The following DPYD variants were observed in gnomAD, a reference collection of about 807,000 sequenced individuals.
DPYD encodes dihydropyrimidine dehydrogenase [NADP(+)].
In DPYD, 109 loss-of-function variants were observed where a neutral mutation model predicts 116.2. The ratio of observed to expected loss-of-function variants is 0.94; its 90% CI spans 0.80 to 1.10. The LOEUF is 1.10. Ranked by LOEUF, DPYD falls within the 50% of genes least tolerant of loss-of-function variation. The pLI, the probability that DPYD is intolerant of heterozygous loss-of-function variation, is 0.00. For synonymous variants in DPYD, 440 were observed against 432.0 expected (o/e 1.02, Z -0.23); for missense variants, 1,302 against 1,254.5 (o/e 1.04, Z -0.57).
intron 3 of DPYD, among the ~76,000 whole-genome samples, chr1:97,752,205 G>A (rs932186350): frequency 1.3e-5 from 2 of 151,832 alleles, no homozygotes; most frequent in African/African-American, 2.4e-5. Flanking sequence ...TTTCATGTGT[G>A]ACATCCATAC....
chr1:97,152,524 C>A lies in DPYD; in HGVS notation c.2622+40545G>T, dbSNP rs556054758. Reference sequence around the variant, plus strand: ...AAATACATGCAGATATAGTTAATATCTATAAATATATCTATTAAATTATAA... The same window carrying A: ...AAATACATGCAGATATAGTTAATATATATAAATATATCTATTAAATTATAA... On this transcript the variant is annotated intron_variant, in intron 20 of 22. Coordinates refer to ENST00000370192, the MANE Select transcript of DPYD (RefSeq NM_000110.4). Among the ~76,000 whole-genome samples the A allele has an allele frequency of 9.8e-4, 147 of 150,532 alleles. No homozygotes were observed. In the South Asian group the frequency reaches 0.015, roughly 16 times the overall value.
chr1:97,096,081 G>A (rs1175407701), intron 21 of DPYD: 1 of 152,182 alleles, frequency 6.6e-6, no homozygotes, highest in Non-Finnish European at 1.5e-5. Context: ...CAACTTAGGA[G>A]AGGAACATAA....
Position 97,474,715 on chromosome 1 carries a change from A to C in DPYD, c.1741-24492T>G, listed in dbSNP as rs902474808. Among the ~76,000 whole-genome samples the C allele has an allele frequency of 2.6e-5, 4 of 152,110 alleles. No homozygotes were observed. In the East Asian group the frequency reaches 7.7e-4, roughly 29 times the overall value. ...ACTTGTGGTGGCATATAATGTAGAA[A>C]ATGCATGTAGATATTTAATTTTGGC... On this transcript the variant is annotated intron_variant, in intron 13 of 22. Coordinates refer to ENST00000370192, the MANE Select transcript of DPYD (RefSeq NM_000110.4).
chr1:97,508,865 T>C (rs1427982405), intron 13 of DPYD, among the ~76,000 whole-genome samples: 1 of 151,930 alleles, frequency 6.6e-6, no homozygotes, highest in Non-Finnish European at 1.5e-5. Context: ...GAAAATTATA[T>C]TGTGCAACTT....
intron 2 of DPYD, among the ~76,000 whole-genome samples, chr1:97,837,580 C>T (rs188789476): frequency 6.6e-6 from 1 of 152,236 alleles, no homozygotes; most frequent in Admixed American, 6.5e-5. Flanking sequence ...ATAGTCTAAA[C>T]TCCTATTATA....
At chr1:97,355,214 T>C (rs1670364812) in intron 16 of DPYD, among the ~76,000 whole-genome samples, 1 of 152,140 alleles carries the variant, frequency 6.6e-6, no homozygotes, top group African/African-American at 2.4e-5. Context: ...ATAGGAATAA[T>C]AGGTATATGT....
At chr1:97,492,557 T>C (rs992593693) in intron 13 of DPYD, among the ~76,000 whole-genome samples, 3 of 152,174 alleles carry the variant, frequency 2.0e-5, no homozygotes, top group Admixed American at 6.5e-5. Context: ...ATGCAGATCA[T>C]AGTATCTTTT....
At chr1:97,173,325 C>T (rs561904367) in intron 20 of DPYD, among the ~76,000 whole-genome samples, 16 of 140,604 alleles carry the variant, frequency 1.1e-4, no homozygotes, top group African/African-American at 3.5e-4. Flanking sequence ...CACATATATA[C>T]ACATATATGT....
chr1:97,588,374 T>C (rs11806109), intron 10 of DPYD, among the ~76,000 whole-genome samples: 3,734 of 152,038 alleles, frequency 0.025, 152 homozygotes, highest in African/African-American at 0.086. Flanking sequence ...ATTGTGCTAT[T>C]AAAAGTAAAT....
At chr1:97,355,335 T>C (rs1049068443) in intron 16 of DPYD, among the ~76,000 whole-genome samples, 1 of 152,150 alleles carries the variant, frequency 6.6e-6, no homozygotes, top group African/African-American at 2.4e-5. Context: ...ATACAATGTA[T>C]ACGTTAAAAT....
At chr1:97,167,338 T>C (rs1656399471) in intron 20 of DPYD, among the ~76,000 whole-genome samples, 1 of 152,190 alleles carries the variant, frequency 6.6e-6, no homozygotes, top group Admixed American at 6.6e-5. Context: ...CTCCTTTTCC[T>C]GAAAGTTACC....
intron 2 of DPYD, among the ~76,000 whole-genome samples, chr1:97,870,238 T>C (rs1271875816): frequency 6.6e-6 from 1 of 151,842 alleles, no homozygotes; most frequent in Admixed American, 6.6e-5. Context: ...CCATTCTGTC[T>C]CACTAATGAC....
intron 18 of DPYD, among the ~76,000 whole-genome samples, chr1:97,277,075 A>G (rs1299181237): frequency 6.6e-6 from 1 of 152,212 alleles, no homozygotes; most frequent in African/African-American, 2.4e-5. Context: ...ATGCATCTGG[A>G]GGCCATTATC....
At chr1:97,898,425 C>A (rs1312500646) in intron 1 of DPYD, among the ~76,000 whole-genome samples, 3 of 151,850 alleles carry the variant, frequency 2.0e-5, no homozygotes, top group African/African-American at 7.2e-5. Flanking sequence ...TGGTTTCCCC[C>A]TTCTGATCTG....
At chr1:97,356,182 G>A (rs559082311) in intron 16 of DPYD, among the ~76,000 whole-genome samples, 29 of 152,168 alleles carry the variant, frequency 1.9e-4, no homozygotes, top group Admixed American at 4.6e-4. Flanking sequence ...AGTGATCACC[G>A]ATGTTGAGCA....
At chr1:97,141,330 T>A (rs1395147418) in intron 20 of DPYD, among the ~76,000 whole-genome samples, 11 of 152,102 alleles carry the variant, frequency 7.2e-5, no homozygotes, top group African/African-American at 2.7e-4. Context: ...CTACTCTACC[T>A]TACTTACCTC....
intron 3 of DPYD, among the ~76,000 whole-genome samples, chr1:97,749,852 C>A (rs1664776492): frequency 6.6e-6 from 1 of 151,956 alleles, no homozygotes; most frequent in South Asian, 2.1e-4. Flanking sequence ...CTTCACAGAC[C>A]TTGATGACAG....
At chr1:97,875,260 T>C (rs1011392966) in intron 2 of DPYD, among the ~76,000 whole-genome samples, 5 of 152,088 alleles carry the variant, frequency 3.3e-5, no homozygotes, top group Middle Eastern at 3.4e-3. Context: ...CATGAATAAT[T>C]CGGTTTTTGA....
intron 20 of DPYD, among the ~76,000 whole-genome samples, chr1:97,166,796 T>C (rs1181824750): frequency 6.6e-6 from 1 of 152,166 alleles, no homozygotes; most frequent in African/African-American, 2.4e-5. Flanking sequence ...ATATTTTATG[T>C]TATGAGTTCT....
Sources: gnomAD v4.1 joint callset for allele counts (sites outside exome capture counted in the v4.1 genomes callset) on GRCh38, gnomAD v4.1.1 for gene constraint, MANE v1.5 for transcripts, NCBI Gene and HGNC (gene_info 2026-07-23, HGNC 2026-07-21) for gene names.